SINHCAF: variants seen among roughly 807,000 people sequenced by gnomAD.
SINHCAF encodes the protein SIN3-HDAC complex associated factor.
A neutral mutation model predicts 25.8 loss-of-function variants in SINHCAF; 3 were observed. The observed-to-expected ratio is 0.12, with a 90% CI of 0.05 to 0.30. The LOEUF (loss-of-function observed/expected upper bound fraction) is 0.30. Ranked by LOEUF, SINHCAF falls within the 10% of genes least tolerant of loss-of-function variation. The probability of loss-of-function intolerance (pLI) is 1.00; values close to 1 mark genes in which losing one functional copy is unlikely to be tolerated. For missense variants in SINHCAF, 121 were observed against 262.3 expected (o/e 0.46, Z 3.72); for synonymous variants, 70 against 85.5 (o/e 0.82, Z 1.00).
intron 1 of SINHCAF, among the ~76,000 whole-genome samples, chr12:31,321,356 A>G (rs1410783022): frequency 2.0e-5 from 3 of 152,218 alleles, no homozygotes; most frequent in Admixed American, 2.0e-4. Flanking sequence ...ACCAAGAGTC[A>G]AGGGCAGTGT....
chr12:31,291,003 G>A (rs1938288335), intron 4 of SINHCAF, among the ~76,000 whole-genome samples: 1 of 152,168 alleles, frequency 6.6e-6, no homozygotes, highest in Admixed American at 6.5e-5. Flanking sequence ...AGAGGTGTAA[G>A]CCTCCATGCC....
chr12:31,290,356 G>A (rs553618947), intron 4 of SINHCAF, among the ~76,000 whole-genome samples: 2 of 152,204 alleles, frequency 1.3e-5, no homozygotes, highest in East Asian at 3.9e-4. Flanking sequence ...TTGCCAGGCT[G>A]GTCTTGAACT....
At chr12:31,315,067 G>T (rs1436452439) in intron 1 of SINHCAF, among the ~76,000 whole-genome samples, 2 of 152,214 alleles carry the variant, frequency 1.3e-5, no homozygotes, top group Non-Finnish European at 2.9e-5. Flanking sequence ...GCTTGAGGAT[G>T]CGCACCCAGG....
At position 31,325,760 on chromosome 12, in the gene SINHCAF, C is replaced by T. The variant is rs115866856; in HGVS notation, c.-21+264G>A. The T allele has an allele frequency of 4.4e-3, 697 of 156,970 alleles. 5 individuals carry two copies. Among genetic ancestry groups the T allele is most frequent in the African/African-American group, 0.016 (653 of 41,586 alleles). The allele number at this position is 156,970 out of a possible 1,614,324, so 9.7% of individuals were successfully genotyped here. On this transcript the variant is annotated intron_variant, in intron 1 of 5. Transcript: ENST00000337682. The surrounding 1 kb of genome is among the most constrained non-coding windows in gnomAD (Gnocchi z 5.9). ...CTCAATTATGCCCAGGCTCCACTCA[C>T]TTCCCCGCCCCGAGACTTTCGGTTT...
intron 1 of SINHCAF, chr12:31,303,317 G>T: frequency 1.3e-6 from 1 of 764,282 alleles, no homozygotes; most frequent in Non-Finnish European, 1.6e-6. Context: ...GCATTGGGAA[G>T]GCTCATTCCC....
At chr12:31,308,530 T>C (rs994459788) in intron 1 of SINHCAF, among the ~76,000 whole-genome samples, 2 of 152,196 alleles carry the variant, frequency 1.3e-5, no homozygotes, top group African/African-American at 4.8e-5. Context: ...AATTAAAGTT[T>C]ACCCTTAATG....
rs554840534 is a variant in SINHCAF at position 31,285,114 on chromosome 12, G to A, written c.507-2243C>T. On this transcript the variant is annotated intron_variant, in intron 5 of 5. Coordinates refer to ENST00000337682, the MANE Select transcript of SINHCAF (RefSeq NM_001135812.2). ...TTTAAATGTTATTCAACGGCCGGGC[G>A]CAGTGGTTCATGCCTGTAATCCCAG... is the stretch of plus-strand genomic sequence containing the variant. Among the ~76,000 whole-genome samples the A allele has an allele frequency of 1.4e-4, 21 of 152,204 alleles. No individual in the cohort carries two copies. In the South Asian group the frequency reaches 2.9e-3, roughly 21 times the overall value.
chr12:31,304,025 A>T (rs1440329748), intron 1 of SINHCAF: 1 of 149,520 alleles, frequency 6.7e-6, no homozygotes, highest in Non-Finnish European at 1.5e-5. Flanking sequence ...AGGCTGAGGT[A>T]GGAGGATCAC....
Position 31,285,418 on chromosome 12 carries a change from T to TATACACACACACACAC in SINHCAF, c.506+2215_506+2216insGTGTGTGTGTGTGTAT, listed in dbSNP as rs1555110957. Among the ~76,000 whole-genome samples the TATACACACACACACAC allele has an allele frequency of 1.0e-3, 147 of 141,438 alleles. No individual in the cohort carries two copies. The East Asian group carries it at 0.02, about 19-fold the overall frequency. The allele number at this position is 141,438 out of a possible 152,430, so 92.8% of individuals were successfully genotyped here. ...ATAGACATATATTTATATATATACA[T>TATACACACACACACAC]ACACACACACACACACACACACACA... On this transcript the variant is annotated intron_variant, in intron 5 of 5. Coordinates refer to ENST00000337682, the MANE Select transcript of SINHCAF (RefSeq NM_001135812.2).
intron 4 of SINHCAF, among the ~76,000 whole-genome samples, chr12:31,290,079 C>G (rs1281109546): frequency 6.6e-6 from 1 of 152,102 alleles, no homozygotes; most frequent in South Asian, 2.1e-4. Flanking sequence ...CCTCCCACCT[C>G]GGCCTCCCAA....
intron 1 of SINHCAF, among the ~76,000 whole-genome samples, chr12:31,318,477 T>C (rs573572420): frequency 8.5e-5 from 13 of 152,320 alleles, no homozygotes; most frequent in African/African-American, 2.4e-4. Flanking sequence ...TGGCTGTCTA[T>C]GGAATCCACA....
At chr12:31,284,081 C>T (rs1937933319) in intron 5 of SINHCAF, among the ~76,000 whole-genome samples, 1 of 152,116 alleles carries the variant, frequency 6.6e-6, no homozygotes, top group Non-Finnish European at 1.5e-5. Flanking sequence ...GTTTATATTG[C>T]TGGCATATAG....
intron 1 of SINHCAF, chr12:31,298,444 C>T (rs1241164012): frequency 1.5e-5 from 7 of 481,670 alleles, no homozygotes; most frequent in Non-Finnish European, 2.6e-5. Flanking sequence ...AAGGAGGACT[C>T]TACTACCTCC....
chr12:31,283,018 G>A, intron 5 of SINHCAF, 147 bp from the exon 6 acceptor site: 1 of 546,106 alleles, frequency 1.8e-6, no homozygotes, highest in Non-Finnish European at 3.1e-6. Context: ...AGGGCTCCTA[G>A]AGTAACCCCA....
chr12:31,308,601 A>G (rs1263708924), intron 1 of SINHCAF, among the ~76,000 whole-genome samples: 2 of 152,168 alleles, frequency 1.3e-5, no homozygotes, highest in Non-Finnish European at 2.9e-5. Context: ...AGTGTGTCAG[A>G]GCAAAGGAGG....
chr12:31,313,402 C>G (rs1271749251), intron 1 of SINHCAF, among the ~76,000 whole-genome samples: 2 of 152,286 alleles, frequency 1.3e-5, no homozygotes, highest in East Asian at 1.9e-4. Context: ...TCTGAATGCT[C>G]TATTCTTTTC....
chr12:31,299,039 TAAA>T (rs61329052), intron 1 of SINHCAF, among the ~76,000 whole-genome samples: 1 of 141,742 alleles, frequency 7.1e-6, no homozygotes, highest in African/African-American at 2.6e-5. Flanking sequence ...GTCCTCCTGT[TAAA>T]AAAAAAAAAA....
chr12:31,305,942 C>T (rs536108146), intron 1 of SINHCAF, among the ~76,000 whole-genome samples: 30 of 152,208 alleles, frequency 2.0e-4, no homozygotes, highest in African/African-American at 5.1e-4. Context: ...TCAGGTGATC[C>T]GCCCGCCTCG....
chr12:31,325,782 G>A lies in SINHCAF; in HGVS notation c.-21+242C>T, dbSNP rs1163968946. ...TCACTTCCCCGCCCCGAGACTTTCG[G>A]TTTGCCTCAAATACCCTCCCCAATT... On this transcript the variant is annotated intron_variant, in intron 1 of 5. Transcript: ENST00000337682. The surrounding 1 kb of genome is among the most constrained non-coding windows in gnomAD (Gnocchi z 5.9). 1 of 156,126 alleles carries A rather than the reference G, an allele frequency of 6.4e-6. No homozygotes were observed. The highest frequency in any genetic ancestry group is 1.4e-5 in the Non-Finnish European group (1 of 70,536). 9.7% of individuals were successfully genotyped at this position (156,126 alleles called of 1,614,324 possible).
Sources: gnomAD v4.1 joint callset for allele counts (sites outside exome capture counted in the v4.1 genomes callset) on GRCh38, gnomAD v4.1.1 for gene constraint, Gnocchi (gnomAD v3.1) non-coding constraint, MANE v1.5 for transcripts, NCBI Gene and HGNC (gene_info 2026-07-23, HGNC 2026-07-21) for gene names.